Variants in CEBPZ observed in about 807,000 individuals in gnomAD.
The protein encoded by CEBPZ is CCAAT enhancer binding protein zeta.
In CEBPZ, 78 loss-of-function variants were observed where a neutral mutation model predicts 104.5. The ratio of observed to expected loss-of-function variants is 0.75; its 90% confidence interval spans 0.62 to 0.90. The LOEUF (loss-of-function observed/expected upper bound fraction) is 0.90. Among genes scored for constraint, CEBPZ ranks in the 40% least tolerant of loss-of-function variants. The probability of loss-of-function intolerance (pLI) is 0.00; values close to 1 mark genes in which losing one functional copy is unlikely to be tolerated. For missense variants in CEBPZ, 1,439 were observed against 1,233.5 expected, an observed-to-expected ratio of 1.17 and a Z score of -2.50; for synonymous variants, 470 against 427.0, an observed-to-expected ratio of 1.10 and a Z score of -1.24.
At chr2:37,203,068 C>A in intron 13 of CEBPZ, 60 bp from the exon 14 acceptor site, 2 of 1,117,192 alleles carry the variant, frequency 1.8e-6, no homozygotes, top group Non-Finnish European at 2.5e-6. Context: ...TAGAAAAATG[C>A]AATGCAACAT....
At chr2:37,212,253 T>C in intron 11 of CEBPZ, 82 bp downstream of exon 11, 2 of 1,247,662 alleles carry the variant, frequency 1.6e-6, no homozygotes, top group Non-Finnish European at 2.3e-6. Context: ...CTTTATCATA[T>C]AGTTCTGTGG....
At chr2:37,213,806 A>T in intron 10 of CEBPZ, 58 bp downstream of exon 10, 1 of 1,140,018 alleles carries the variant, frequency 8.8e-7, no homozygotes, top group Non-Finnish European at 1.3e-6. Context: ...CTAATGTTCC[A>T]TGGTCTATTA....
At chr2:37,223,954 C>T (rs189489403) in intron 2 of CEBPZ, among the ~76,000 whole-genome samples, 9 of 152,334 alleles carry the variant, frequency 5.9e-5, no homozygotes, top group Admixed American at 5.9e-4. Context: ...GCTATTTTCA[C>T]TGCCCAGAGT....
chr2:37,218,826 C>T (rs756929824), intron 5 of CEBPZ, among the ~76,000 whole-genome samples: 1 of 152,172 alleles, frequency 6.6e-6, no homozygotes, highest in African/African-American at 2.4e-5. Context: ...GAGCCGAGAT[C>T]GCGCCACTGC....
intron 4 of CEBPZ, 107 bp downstream of exon 4, chr2:37,222,273 G>A (rs1173520395): frequency 2.0e-6 from 2 of 982,012 alleles, no homozygotes; most frequent in South Asian, 1.9e-5. Context: ...AACAGAGTGA[G>A]ACTCTGTCTA....
chr2:37,202,673 AAAAAAAAAAAAAAAAAAAAGAAT>A (rs1677324332), intron 15 of CEBPZ, 88 bp downstream of exon 15: 4 of 177,242 alleles, frequency 2.3e-5, no homozygotes, highest in African/African-American at 1.6e-4. Context: ...AAAAAAAAAA[AAAAAAAAAAAAAAAAAAAAGAAT>A]AAATAAAATA....
intron 10 of CEBPZ, chr2:37,213,622 C>T: frequency 5.7e-6 from 2 of 351,112 alleles, no homozygotes; most frequent in Non-Finnish European, 1.0e-5. Context: ...CCATATTGGC[C>T]AGGCTGGTCT....
At chr2:37,219,634 C>T (rs1019664287) in intron 5 of CEBPZ, among the ~76,000 whole-genome samples, 3 of 152,146 alleles carry the variant, frequency 2.0e-5, no homozygotes, top group Admixed American at 2.0e-4. Flanking sequence ...TCTTAGTGGT[C>T]TGGCCGCACT....
intron 8 of CEBPZ, 137 bp from the exon 9 acceptor site, chr2:37,215,089 C>T: frequency 1.6e-6 from 1 of 629,188 alleles, no homozygotes; most frequent in Non-Finnish European, 2.8e-6. Context: ...AGAAGGGACT[C>T]TGGAGTGCAA....
At chr2:37,229,073 T>G (rs779122614) in intron 1 of CEBPZ, 37 bp from the exon 2 acceptor site, 11 of 1,394,902 alleles carry the variant, frequency 7.9e-6, no homozygotes, top group Non-Finnish European at 1.0e-5. Flanking sequence ...ACATTACAAA[T>G]GTGAAAAATA....
At chr2:37,210,935 A>G in intron 13 of CEBPZ, 64 bp downstream of exon 13, 1 of 1,216,888 alleles carries the variant, frequency 8.2e-7, no homozygotes. Flanking sequence ...TTCATTTCCC[A>G]AAATGATAAT....
At position 37,213,620 on chromosome 2, in the gene CEBPZ, G is replaced by A. The variant is rs532224075; in HGVS notation, c.2545+244C>T. 18 of 345,936 alleles carry A rather than the reference G, an allele frequency of 5.2e-5. 1 individual carries two copies. In the South Asian group the frequency reaches 5.2e-4, roughly 10 times the overall value. 21.4% of individuals were successfully genotyped at this position (345,936 alleles called of 1,614,324 possible). A position where few individuals can be genotyped will look rare whatever the true frequency, so the allele number is the denominator to read the frequency against. ...GTAGAGACAGGGTTTCACCATATTG[G>A]CCAGGCTGGTCTCGAACTCCTGACC... On this transcript the variant is annotated intron_variant, in intron 10 of 15. Transcript: ENST00000234170.
At chr2:37,208,726 C>T (rs1368034910) in intron 13 of CEBPZ, 1 of 152,104 alleles carries the variant, frequency 6.6e-6, no homozygotes, top group Non-Finnish European at 1.5e-5. Flanking sequence ...CCCCTGAGAA[C>T]TGGAACAAGA....
At chr2:37,206,648 A>C (rs185940690) in intron 13 of CEBPZ, among the ~76,000 whole-genome samples, 3 of 152,130 alleles carry the variant, frequency 2.0e-5, no homozygotes, top group Admixed American at 2.0e-4. Flanking sequence ...GAGCCACTAC[A>C]CTCAGCCTAG....
intron 13 of CEBPZ, among the ~76,000 whole-genome samples, chr2:37,205,084 G>A (rs2540972): frequency 0.74 from 112,223 of 152,120 alleles, 42,308 homozygotes; most frequent in East Asian, 0.97. Flanking sequence ...GGAAGATAAC[G>A]TGTTATAATT....
Position 37,220,568 on chromosome 2 carries a change from C to A in CEBPZ, c.2066-95G>T, listed in dbSNP as rs187963549. 46 of 505,074 alleles carry A rather than the reference C, an allele frequency of 9.1e-5. No individual in the cohort carries two copies. The Middle Eastern group carries it at 1.6e-3, about 17-fold the overall frequency. 31.3% of individuals were successfully genotyped at this position (505,074 alleles called of 1,614,324 possible). ...CACCATTAATATTCTCAACAGATAT[C>A]TCCAACATTCTTACTTAGCCAAGCA... On this transcript the variant is annotated intron_variant, in intron 4 of 15. Transcript: ENST00000234170.
intron 12 of CEBPZ, chr2:37,211,497 C>G (rs1236750609): frequency 8.3e-6 from 2 of 239,650 alleles, no homozygotes; most frequent in Non-Finnish European, 1.6e-5. Flanking sequence ...AAATATTCAC[C>G]TTCATCTATG....
intron 15 of CEBPZ, 110 bp from the exon 16 acceptor site, chr2:37,202,013 T>A: frequency 1.1e-6 from 1 of 932,254 alleles, no homozygotes; most frequent in East Asian, 2.5e-5. Flanking sequence ...TGGCCTGTGG[T>A]TTCCCACCCA....
Position 37,227,721 on chromosome 2 carries a change from T to C in CEBPZ, c.1472A>G (p.Asn491Ser), listed in dbSNP as rs1664924886. ...KMLSALLTGV[N>S]RAYPYSQTGD... ...AGTCTGGGAATAAGGGTATGCCCTA[T>C]TCACACCTGTTAAAAGGGCGCTAAG... is the stretch of plus-strand genomic sequence containing the variant. The change falls in exon 2 of 16, where the codon AAT becomes AGT. Residue 491 changes from asparagine to serine, a missense_variant. Asn to Ser is a conservative substitution (Grantham distance 46, BLOSUM62 1). Transcript: ENST00000234170. 6.2e-7 allele frequency: 1 copy of C among 1,614,186 alleles called. No individual in the cohort carries two copies. Among genetic ancestry groups the C allele is most frequent in the Non-Finnish European group, 8.5e-7 (1 of 1,180,030 alleles).
Sources: gnomAD v4.1 joint callset for allele counts (sites outside exome capture counted in the v4.1 genomes callset) on GRCh38, gnomAD v4.1.1 for gene constraint, MANE v1.5 for transcripts, NCBI Gene and HGNC (gene_info 2026-07-23, HGNC 2026-07-21) for gene names.